NDUFAF1: variants seen among roughly 807,000 people sequenced by gnomAD.
The protein encoded by NDUFAF1 is NADH:ubiquinone oxidoreductase complex assembly factor 1.
A neutral mutation model predicts 28.7 loss-of-function variants in NDUFAF1; 18 were observed. The observed-to-expected ratio is 0.63, with a 90% confidence interval of 0.43 to 0.93. The LOEUF (loss-of-function observed/expected upper bound fraction) is 0.93. Among genes scored for constraint, NDUFAF1 ranks in the 40% least tolerant of loss-of-function variants. The pLI is 0.00. For missense variants in NDUFAF1, 404 were observed against 398.3 expected, an observed-to-expected ratio of 1.01 and a Z score of -0.12; for synonymous variants, 113 against 139.7, an observed-to-expected ratio of 0.81 and a Z score of 1.35.
chr15:41,399,862 A>G (rs1194555894), intron 1 of NDUFAF1, among the ~76,000 whole-genome samples: 2 of 146,990 alleles, frequency 1.4e-5, no homozygotes, highest in African/African-American at 5.1e-5. Context: ...TCTCAAAAAA[A>G]AAAAAAAAAA....
intron 3 of NDUFAF1, among the ~76,000 whole-genome samples, chr15:41,389,127 G>A (rs2140909016): frequency 6.6e-6 from 1 of 152,090 alleles, no homozygotes; most frequent in East Asian, 1.9e-4. Context: ...CTGTTACCCA[G>A]GCTGGAGTGC....
chr15:41,397,509 T>TA (rs1375815739), intron 1 of NDUFAF1, among the ~76,000 whole-genome samples: 6 of 152,132 alleles, frequency 3.9e-5, no homozygotes, highest in African/African-American at 1.4e-4. Flanking sequence ...GGTCAAGAGA[T>TA]AGAGACTGGG....
chr15:41,393,495 G>A (rs1346552674), intron 3 of NDUFAF1, among the ~76,000 whole-genome samples: 1 of 151,294 alleles, frequency 6.6e-6, no homozygotes, highest in East Asian at 1.9e-4. Context: ...CACTGTGTTA[G>A]CCAGAATGGT....
intron 3 of NDUFAF1, among the ~76,000 whole-genome samples, chr15:41,393,211 A>G (rs1595633209): frequency 8.1e-6 from 1 of 122,954 alleles, no homozygotes; most frequent in Admixed American, 1.0e-4. Flanking sequence ...TGCAACCTCC[A>G]CCTCCCAAGT....
At chr15:41,398,891 G>C (rs2050426101) in intron 1 of NDUFAF1, among the ~76,000 whole-genome samples, 1 of 151,790 alleles carries the variant, frequency 6.6e-6, no homozygotes. Flanking sequence ...GGAGGCGGAG[G>C]TTGCAAGTGA....
chr15:41,395,090 T>C (rs1252488214), intron 2 of NDUFAF1, 46 bp from the exon 3 acceptor site: 1 of 1,569,226 alleles, frequency 6.4e-7, no homozygotes, highest in East Asian at 2.3e-5. Flanking sequence ...TCTCCATTAT[T>C]AGCAAAATGT....
Position 41,397,034 on chromosome 15 carries a change from C to T in NDUFAF1, c.26G>A (p.Arg9His), listed in dbSNP as rs1899. Residue 9 changes from arginine (R) to histidine (H), a missense_variant, in exon 2 of 5, where the codon CGT becomes CAT. Coordinates refer to ENST00000260361, the MANE Select transcript of NDUFAF1 (RefSeq NM_016013.4). ...GAATTTTCTGAGAAAATAAGTACCA[C>T]GCAGCAATTTGTGAACCAAAGCCAT... MALVHKLL[R>H]GTYFLRKFSK... 0.24 allele frequency: 385,090 copies of T among 1,611,684 alleles called. 48,648 individuals carry two copies. Among genetic ancestry groups the T allele is most frequent in the Non-Finnish European group, 0.26 (303,274 of 1,178,656 alleles).
intron 4 of NDUFAF1, 82 bp from the exon 5 acceptor site, chr15:41,387,675 G>T (rs1318777772): frequency 2.5e-6 from 3 of 1,214,270 alleles, no homozygotes; most frequent in Non-Finnish European, 3.6e-6. Flanking sequence ...ATCCCATCAG[G>T]TGATGATTAT....
chr15:41,390,123 T>C (rs1464920621), intron 3 of NDUFAF1, among the ~76,000 whole-genome samples: 1 of 151,998 alleles, frequency 6.6e-6, no homozygotes, highest in African/African-American at 2.4e-5. Context: ...GCCACCACAC[T>C]GGGCTAATTT....
intron 3 of NDUFAF1, among the ~76,000 whole-genome samples, chr15:41,389,716 C>T (rs1204818210): frequency 6.6e-6 from 1 of 151,962 alleles, no homozygotes; most frequent in Non-Finnish European, 1.5e-5. Context: ...GGGGCTACAG[C>T]GAGCCCATGC....
chr15:41,399,580 C>T (rs1165151504), intron 1 of NDUFAF1, among the ~76,000 whole-genome samples: 2 of 150,584 alleles, frequency 1.3e-5, no homozygotes, highest in African/African-American at 2.4e-5. Context: ...ACAGGCCGGG[C>T]GCGGTGGCTC....
intron 3 of NDUFAF1, among the ~76,000 whole-genome samples, chr15:41,393,807 G>A (rs2050346225): frequency 2.0e-5 from 3 of 151,710 alleles, no homozygotes; most frequent in East Asian, 1.9e-4. Flanking sequence ...TCTTGACCTC[G>A]TGATCTGCCC....
intron 4 of NDUFAF1, among the ~76,000 whole-genome samples, chr15:41,388,210 G>C (rs1244964395): frequency 6.6e-6 from 1 of 152,040 alleles, no homozygotes; most frequent in African/African-American, 2.4e-5. Context: ...GAGAAGGGAG[G>C]GGGGAAAATA....
chr15:41,397,009 G>T lies in NDUFAF1; in HGVS notation c.51C>A (p.Phe17Leu), dbSNP rs570752499. 5.0e-6 allele frequency: 8 copies of T among 1,612,792 alleles called. No homozygotes were observed. The East Asian group carries it at 6.7e-5, about 13-fold the overall frequency. The change falls in exon 2 of 5, where the codon TTC (phenylalanine) becomes TTA (leucine). Residue 17 changes from phenylalanine (F) to leucine (L), a missense_variant. Physicochemically the swap from Phe to Leu is conservative, Grantham distance 22. Transcript: ENST00000260361. ...GATACAAGGCAGAAGTTGGCTTAGA[G>T]AATTTTCTGAGAAAATAAGTACCAC... is the stretch of plus-strand genomic sequence containing the variant. ...LLRGTYFLRK[F>L]SKPTSALYPF... is the part of the protein sequence containing the mutation.
chr15:41,398,635 C>A (rs1029747243), intron 1 of NDUFAF1, among the ~76,000 whole-genome samples: 8 of 152,076 alleles, frequency 5.3e-5, no homozygotes, highest in South Asian at 2.1e-4. Flanking sequence ...ACTACAGGTG[C>A]ACACCACCAT....
chr15:41,397,911 G>A (rs2140925488), intron 1 of NDUFAF1, among the ~76,000 whole-genome samples: 1 of 150,908 alleles, frequency 6.6e-6, no homozygotes, highest in African/African-American at 2.4e-5. Flanking sequence ...TGTGGTCCCA[G>A]CTACTAAGGA....
chr15:41,388,565 A>G, intron 3 of NDUFAF1, 43 bp from the exon 4 acceptor site: 1 of 1,256,216 alleles, frequency 8.0e-7, no homozygotes, highest in Non-Finnish European at 1.2e-6. Flanking sequence ...AATGTAAGCA[A>G]TTGAGGCATC....
At chr15:41,399,780 C>T (rs2050437159) in intron 1 of NDUFAF1, among the ~76,000 whole-genome samples, 3 of 142,346 alleles carry the variant, frequency 2.1e-5, no homozygotes, top group Non-Finnish European at 3.0e-5. Flanking sequence ...GGCGTGAACC[C>T]GGGAGGCGGA....
upstream of NDUFAF1, chr15:41,402,583 C>G (rs143756766): frequency 7.8e-6 from 2 of 255,768 alleles, no homozygotes; most frequent in African/African-American, 4.4e-5. Context: ...GGAAGGACAG[C>G]AAGGACCCCG....
Sources: gnomAD v4.1 joint callset for allele counts (sites outside exome capture counted in the v4.1 genomes callset) on GRCh38, gnomAD v4.1.1 for gene constraint, MANE v1.5 for transcripts, NCBI Gene and HGNC (gene_info 2026-07-23, HGNC 2026-07-21) for gene names.